The following CDT1 variants were observed in gnomAD, a reference collection of about 807,000 sequenced individuals.
CDT1 encodes the protein chromatin licensing and DNA replication factor 1.
In CDT1, 66 loss-of-function variants were observed where a neutral mutation model predicts 49.3. The observed-to-expected ratio is 1.34, with a 90% confidence interval of 1.10 to 1.64. The LOEUF (loss-of-function observed/expected upper bound fraction) is 1.64, where lower values mean the gene tolerates loss of function less well. Among genes scored for constraint, CDT1 ranks in the 40% most tolerant of loss-of-function variants. The pLI, the probability that CDT1 is intolerant of heterozygous loss-of-function variation, is 0.00. For synonymous variants in CDT1, 424 were observed against 347.4 expected, an observed-to-expected ratio of 1.22 and a Z score of -2.45; for missense variants, 958 against 807.7, an observed-to-expected ratio of 1.19 and a Z score of -2.26.
chr16:88,804,981 C>T (rs1908795964), intron 3 of CDT1, 83 bp downstream of exon 3: 11 of 1,493,582 alleles, frequency 7.4e-6, no homozygotes, highest in Non-Finnish European at 8.0e-6. Context: ...GTCAGAGGCC[C>T]AGGTCTGCTC....
At chr16:88,804,472 C>T in intron 1 of CDT1, 73 bp from the exon 2 acceptor site, 1 of 1,562,654 alleles carries the variant, frequency 6.4e-7, no homozygotes, top group Non-Finnish European at 8.7e-7. Context: ...GGCTTCTGAT[C>T]CTTCGGGGTC....
chr16:88,806,770 C>T (rs983928692), intron 7 of CDT1, 96 bp downstream of exon 7: 94 of 1,449,150 alleles, frequency 6.5e-5, no homozygotes, highest in East Asian at 6.5e-4. Context: ...ATGAGCTTGA[C>T]GCCTCATCTG....
rs1332312997 is a variant in CDT1, at chr16:88,806,527, G to A, written c.975G>A (p.Glu325=). The change falls in exon 7 of 10, where the codon GAG becomes GAA. Residue 325 remains glutamate, a synonymous_variant. Coordinates refer to ENST00000301019, the MANE Select transcript of CDT1 (RefSeq NM_030928.4). ...TGAGCCCCGCCATGGTGGTGCCGGA[G>A]GACCAGCTGACCCGCTGGCACCCGC... ...ASLSPAMVVP[E]DQLTRWHPRF... 5.6e-6 allele frequency: 9 copies of A among 1,610,954 alleles called. No individual in the cohort carries two copies. The highest frequency in any genetic ancestry group is 5.0e-5 in the Admixed American group (3 of 59,864).
At chr16:88,806,374 G>C (rs927948878) in intron 6 of CDT1, 112 bp from the exon 7 acceptor site, 3 of 1,299,358 alleles carry the variant, frequency 2.3e-6, no homozygotes, top group African/African-American at 2.9e-5. Flanking sequence ...GGCAGAGGCT[G>C]AGTGACTTGC....
Position 88,805,782 on chromosome 16 carries a change from T to G in CDT1, c.745T>G (p.Phe249Val). 6.2e-7 allele frequency: 1 copy of G among 1,613,146 alleles called. No homozygotes were observed. The highest frequency in any genetic ancestry group is 8.5e-7 in the Non-Finnish European group (1 of 1,179,974). ...IKTVYPASYR[F>V]RQERSVPTFK... The stretch of plus-strand genomic sequence containing the variant: ...AACCGTGTACCCGGCCTCCTACCGC[T>G]TCCGCCAGGAGCGCAGTGTCCCCAC... The change falls in exon 5 of 10, where the codon TTC becomes GTC. Residue 249 changes from phenylalanine (F) to valine (V), a missense_variant. Transcript: ENST00000301019.
Position 88,808,097 on chromosome 16 carries a change from C to G in CDT1, c.1478-18C>G. 6.2e-7 allele frequency: 1 copy of G among 1,610,860 alleles called. No homozygotes were observed. The highest frequency in any genetic ancestry group is 1.1e-5 in the South Asian group (1 of 90,590). On this transcript the variant is annotated intron_variant, in intron 9 of 9. Transcript: ENST00000301019. ...TGGGGCCCAGCACCAGCCTCAGTGTCCTCCTCTCCTCCCCCAGGGGAAATG... is the reference window on the plus strand; with the variant it reads ...TGGGGCCCAGCACCAGCCTCAGTGTGCTCCTCTCCTCCCCCAGGGGAAATG...
In CDT1 at chr16:88,807,300, A is replaced by G; in HGVS notation, c.1295A>G (p.Gln432Arg). 2 of 1,612,382 alleles carry G rather than the reference A, an allele frequency of 1.2e-6. No homozygotes were observed. Among genetic ancestry groups the G allele is most frequent in the Non-Finnish European group, 8.5e-7 (1 of 1,179,936 alleles). ...LLERIRAKEA[Q>R]KQLAQMTRCP... ...CTGCAGATCCGAGCCAAGGAGGCAC[A>G]GAAGCAGCTGGCACAGATGACGCGG... The change falls in exon 9 of 10, where the codon CAG (glutamine) becomes CGG (arginine). Residue 432 changes from glutamine (Q) to arginine (R), a missense_variant. Coordinates refer to ENST00000301019, the MANE Select transcript of CDT1 (RefSeq NM_030928.4).
chr16:88,805,841 G>A lies in CDT1; in HGVS notation c.804G>A (p.Gln268=), dbSNP rs1908835313. ...FKDGTRRSDY[Q]LTIEPLLEQE... The stretch of plus-strand genomic sequence containing the variant: ...ATGGCACCAGGAGGTCAGATTACCA[G>A]CTCACCATCGAGCCACTGCTGGAGC... The change falls in exon 5 of 10, where the codon CAG becomes CAA. Residue 268 remains glutamine, a synonymous_variant. Transcript: ENST00000301019. The A allele has an allele frequency of 2.5e-6, 4 of 1,612,882 alleles. No homozygotes were observed. The Admixed American group carries it at 5.0e-5, about 20-fold the overall frequency.
rs751847681 is a variant in CDT1 at position 88,805,470 on chromosome 16, C to G, written c.519C>G (p.Phe173Leu). 1 of 1,612,820 alleles carries G rather than the reference C, an allele frequency of 6.2e-7. No individual in the cohort carries two copies. The highest frequency in any genetic ancestry group is 8.5e-7 in the Non-Finnish European group (1 of 1,179,952). ...CGEKAPAYQR[F>L]HALAQPGLPG... The stretch of plus-strand genomic sequence containing the variant: ...AGAAGGCGCCCGCCTACCAGCGCTT[C>G]CATGCCCTGGCCCAGCCCGGCCTGC... Residue 173 changes from phenylalanine (F) to leucine (L), a missense_variant, in exon 4 of 10, where the codon TTC becomes TTG. Coordinates refer to ENST00000301019, the MANE Select transcript of CDT1 (RefSeq NM_030928.4).
intron 3 of CDT1, among the ~76,000 whole-genome samples, chr16:88,805,191 C>G (rs919020185): frequency 6.6e-6 from 1 of 152,236 alleles, no homozygotes. Context: ...CGAAACTGCG[C>G]TGGGGAGAGG....
At position 88,806,803 on chromosome 16, in the gene CDT1, C is replaced by T. The variant is rs981796156; in HGVS notation, c.1122+129C>T. ...CTGGCTTCCTCCTTGGCTGGCGGAT[C>T]CAGAGAGTTGGTGGCATTTGCCCTC... On this transcript the variant is annotated intron_variant, in intron 7 of 9. Coordinates refer to ENST00000301019, the MANE Select transcript of CDT1 (RefSeq NM_030928.4). The T allele has an allele frequency of 5.4e-6, 7 of 1,297,574 alleles. No individual in the cohort carries two copies. In the African/African-American group the frequency reaches 5.9e-5, roughly 11 times the overall value. 80.4% of individuals were successfully genotyped at this position (1,297,574 alleles called of 1,614,324 possible).
Position 88,805,625 on chromosome 16 carries a change from A to T in CDT1, c.674A>T (p.Asp225Val), listed in dbSNP as rs1228011401. ...TFAKVQRGVQDMMRRRFEECN... is the reference protein window; with the variant it reads ...TFAKVQRGVQVMMRRRFEECN... Reference sequence around the variant, plus strand: ...GCCAAGGTCCAGCGGGGCGTCCAGGACATGATGCGTAGGTGAGTGGCCGGG... The same window carrying T: ...GCCAAGGTCCAGCGGGGCGTCCAGGTCATGATGCGTAGGTGAGTGGCCGGG... The change falls in exon 4 of 10, where the codon GAC (aspartate) becomes GTC (valine). Residue 225 changes from aspartate (D) to valine (V), a missense_variant. Transcript: ENST00000301019. The T allele has an allele frequency of 6.2e-7, 1 of 1,612,684 alleles. No homozygotes were observed. Among genetic ancestry groups the T allele is most frequent in the Admixed American group, 1.7e-5 (1 of 60,026 alleles).
Position 88,807,417 on chromosome 16 carries a change from C to T in CDT1, c.1412C>T (p.Pro471Leu). Residue 471 changes from proline to leucine, a missense_variant, in exon 9 of 10, where the codon CCT (proline) becomes CTT (leucine). Coordinates refer to ENST00000301019, the MANE Select transcript of CDT1 (RefSeq NM_030928.4). ...AGCGTCTTTGTGTCCGAACGCAAGC[C>T]TGCGCTCAGCATGGAGGTGGCCTGT... Reference protein sequence around the residue: ...LRSVFVSERKPALSMEVACAR... With the variant: ...LRSVFVSERKLALSMEVACAR... 6.2e-7 allele frequency: 1 copy of T among 1,613,040 alleles called. No homozygotes were observed. Among genetic ancestry groups the T allele is most frequent in the African/African-American group, 1.3e-5 (1 of 75,064 alleles).
chr16:88,804,738 C>T (rs1396586276), intron 2 of CDT1, 24 bp from the exon 3 acceptor site: 11 of 1,612,788 alleles, frequency 6.8e-6, no homozygotes, highest in Non-Finnish European at 8.5e-6. Flanking sequence ...CCTGACGGCA[C>T]CGTGTCCCCT....
Position 88,804,753 on chromosome 16 carries a change from C to T in CDT1, c.352-9C>T, listed in dbSNP as rs1418222893. The T allele has an allele frequency of 1.9e-6, 3 of 1,612,730 alleles. No homozygotes were observed. In the African/African-American group the frequency reaches 4.0e-5, roughly 22 times the overall value. ...CCTGACGGCACCGTGTCCCCTGATCCCCCTGAAGGACACCATCTCTGAGCT... is the reference window on the plus strand; with the variant it reads ...CCTGACGGCACCGTGTCCCCTGATCTCCCTGAAGGACACCATCTCTGAGCT... On this transcript the variant is annotated splice_polypyrimidine_tract_variant and intron_variant, in intron 2 of 9. Transcript: ENST00000301019.
rs587780303 is a variant in CDT1, at chr16:88,806,582, G to C, written c.1030G>C (p.Glu344Gln). The C allele has an allele frequency of 1.1e-5, 17 of 1,608,180 alleles. No homozygotes were observed. The highest frequency in any genetic ancestry group is 5.3e-5 in the African/African-American group (4 of 74,852). ...RFNVDEVPDI[E>Q]PAALPQPPAT... The stretch of plus-strand genomic sequence containing the variant: ...CAACGTGGATGAAGTACCCGACATC[G>C]AGCCGGCCGCGCTGCCCCAGCCACC... Residue 344 changes from glutamate to glutamine, a missense_variant, in exon 7 of 10, where the codon GAG (glutamate) becomes CAG (glutamine). Physicochemically the swap from Glu to Gln is conservative, Grantham distance 29. Transcript: ENST00000301019.
intron 6 of CDT1, 180 bp from the exon 7 acceptor site, chr16:88,806,306 G>T: frequency 3.1e-6 from 3 of 974,858 alleles, no homozygotes; most frequent in South Asian, 2.9e-5. Context: ...GGTCCCCAAG[G>T]CGTTCAGCGA....
Position 88,804,822 on chromosome 16 carries a change from C to A in CDT1, c.412C>A (p.Arg138=), listed in dbSNP as rs149361322. ...GGCCCGGGAGCTGGGGGCAAGAGTC[C>A]GGGCGCTGAAGGCCAGTGCCCAGGA... is the stretch of plus-strand genomic sequence containing the variant. ...QRARELGARV[R]ALKASAQDAG... The change falls in exon 3 of 10, where the codon CGG becomes AGG. Residue 138 remains arginine, a synonymous_variant. Transcript: ENST00000301019. The A allele has an allele frequency of 6.2e-7, 1 of 1,612,462 alleles. No homozygotes were observed. Among genetic ancestry groups the A allele is most frequent in the East Asian group, 2.2e-5 (1 of 44,860 alleles).
chr16:88,804,905 G>T lies in CDT1; in HGVS notation c.488+7G>T. The T allele has an allele frequency of 6.4e-7, 1 of 1,554,092 alleles. No individual in the cohort carries two copies. The highest frequency in any genetic ancestry group is 1.2e-5 in the South Asian group (1 of 85,960). On this transcript the variant is annotated splice_region_variant and intron_variant, in intron 3 of 9. Coordinates refer to ENST00000301019, the MANE Select transcript of CDT1 (RefSeq NM_030928.4). Reference sequence around the variant, plus strand: ...GCCGCCCTGAGGAGCCATGGTGAGTGCTGGGTGGGCGGCCACGAGGCCCCG... The same window carrying T: ...GCCGCCCTGAGGAGCCATGGTGAGTTCTGGGTGGGCGGCCACGAGGCCCCG...
Sources: gnomAD v4.1 joint callset for allele counts (sites outside exome capture counted in the v4.1 genomes callset) on GRCh38, gnomAD v4.1.1 for gene constraint, MANE v1.5 for transcripts, NCBI Gene and HGNC (gene_info 2026-07-23, HGNC 2026-07-21) for gene names.